The following FAM161A variants were observed in gnomAD, a reference collection of about 807,000 sequenced individuals.
The protein encoded by FAM161A is FAM161 centrosomal protein A, also known as protein FAM161A.
FAM161A carries 57 observed loss-of-function variants against 70.9 expected under a neutral mutation model. The observed-to-expected ratio is 0.80, with a 90% CI of 0.65 to 1.00. The LOEUF (loss-of-function observed/expected upper bound fraction) is 1.00. Among genes scored for constraint, FAM161A ranks in the 50% least tolerant of loss-of-function variants. The probability of loss-of-function intolerance (pLI) is 0.00; values close to 1 mark genes in which losing one functional copy is unlikely to be tolerated. For missense variants in FAM161A, 880 were observed against 836.0 expected, an observed-to-expected ratio of 1.05 and a Z score of -0.65; for synonymous variants, 299 against 295.7, an observed-to-expected ratio of 1.01 and a Z score of -0.12.
chr2:61,852,015 C>T (rs1429736050), intron 1 of FAM161A, among the ~76,000 whole-genome samples: 1 of 152,138 alleles, frequency 6.6e-6, no homozygotes, highest in Non-Finnish European at 1.5e-5. Flanking sequence ...GTGAAGAAAG[C>T]AGAGCCTATT....
Position 61,853,902 on chromosome 2 carries a change from T to C in FAM161A, c.140A>G (p.Glu47Gly). The C allele has an allele frequency of 6.2e-7, 1 of 1,613,968 alleles. No homozygotes were observed. Among genetic ancestry groups the C allele is most frequent in the Non-Finnish European group, 8.5e-7 (1 of 1,179,844 alleles). The change falls in exon 1 of 7, where the codon GAG (glutamate) becomes GGG (glycine). Residue 47 changes from glutamate to glycine, a missense_variant. Glu to Gly is a moderately conservative substitution (Grantham distance 98). Coordinates refer to ENST00000404929, the MANE Select transcript of FAM161A (RefSeq NM_001201543.2). ...AGCCACTTTCTCCTCCTCTTCGTCC[T>C]CCAAGATCGCCTCCGCTGCCGCCAG... ...KALAAAEAIL[E>G]DEEEEKVAQP...
the FAM161A span, among the ~76,000 whole-genome samples, chr2:61,817,432 C>A: frequency 3.9e-5 from 6 of 152,232 alleles, no homozygotes; most frequent in Non-Finnish European, 8.8e-5. Flanking sequence ...CTAACCAATT[C>A]TTACTTTGGA....
Position 61,839,773 on chromosome 2 carries a change from A to G in FAM161A, c.1231T>C (p.Cys411Arg). The G allele has an allele frequency of 6.2e-7, 1 of 1,614,146 alleles. No individual in the cohort carries two copies. The highest frequency in any genetic ancestry group is 8.5e-7 in the Non-Finnish European group (1 of 1,180,028). ...RSACGCRNPR[C>R]PEQAVKLKCK... The stretch of plus-strand genomic sequence containing the variant: ...TTCAACTTTACAGCCTGTTCAGGAC[A>G]CCTGGGGTTCCTGCATCCACAAGCT... The change falls in exon 3 of 7, where the codon TGT becomes CGT. Residue 411 changes from cysteine (C) to arginine (R), a missense_variant. Physicochemically the swap from Cys to Arg is radical, Grantham distance 180 (BLOSUM62 -3). Coordinates refer to ENST00000404929, the MANE Select transcript of FAM161A (RefSeq NM_001201543.2).
chr2:61,834,591 T>G (rs949043399), intron 5 of FAM161A, among the ~76,000 whole-genome samples: 1 of 151,970 alleles, frequency 6.6e-6, no homozygotes, highest in Non-Finnish European at 1.5e-5. Flanking sequence ...GCCTCCCAAG[T>G]AGTTGGGACT....
rs775901032 is a variant in FAM161A at position 61,842,331 on chromosome 2, C to T, written c.213G>A (p.Val71=). 16 of 1,575,510 alleles carry T rather than the reference C, an allele frequency of 1.0e-5. 1 individual carries two copies. In the African/African-American group the frequency reaches 1.5e-4, roughly 15 times the overall value. Residue 71 remains valine, a synonymous_variant, in exon 2 of 7, where the codon GTG becomes GTA. Transcript: ENST00000404929. The part of the protein sequence containing the change: ...SADLNTSFSG[V]DEHAPISYED... ...CATAGCTTATCGGTGCATGTTCATCCACCCCAGAAAAGCTGGTGTTCAAAT... is the reference window on the plus strand; with the variant it reads ...CATAGCTTATCGGTGCATGTTCATCTACCCCAGAAAAGCTGGTGTTCAAAT...
At chr2:61,846,229 C>G (rs1024475510) in intron 1 of FAM161A, among the ~76,000 whole-genome samples, 2 of 151,878 alleles carry the variant, frequency 1.3e-5, no homozygotes, top group African/African-American at 4.8e-5. Context: ...CTGTGCATAG[C>G]AGAGGGCAAG....
chr2:61,823,386 T>TATATATA (rs1558470704), downstream of FAM161A, among the ~76,000 whole-genome samples: 4 of 135,166 alleles, frequency 3.0e-5, no homozygotes, highest in Non-Finnish European at 4.8e-5. Context: ...TATATATATA[T>TATATATA]TGAGTCAGGG....
chr2:61,846,053 C>T (rs1400597229), intron 1 of FAM161A, among the ~76,000 whole-genome samples: 3 of 125,886 alleles, frequency 2.4e-5, no homozygotes, highest in Admixed American at 2.1e-4. Flanking sequence ...CGAGCCATTG[C>T]ACTATAGCTT....
the FAM161A span, among the ~76,000 whole-genome samples, chr2:61,805,561 A>C: frequency 6.6e-6 from 1 of 152,182 alleles, no homozygotes; most frequent in Non-Finnish European, 1.5e-5. Flanking sequence ...GCCATTGGGG[A>C]GGTCAGGTCT....
chr2:61,841,023 C>T (rs1673002566), intron 2 of FAM161A, among the ~76,000 whole-genome samples: 1 of 152,178 alleles, frequency 6.6e-6, no homozygotes, highest in Non-Finnish European at 1.5e-5. Flanking sequence ...AGAATCATCA[C>T]TTTTATTTGG....
At chr2:61,849,706 AC>A (rs1673429180) in intron 1 of FAM161A, among the ~76,000 whole-genome samples, 1 of 148,602 alleles carries the variant, frequency 6.7e-6, no homozygotes. Context: ...AATCACTTGA[AC>A]CCAGGAGGCA....
At chr2:61,848,962 TTA>T (rs367752780) in intron 1 of FAM161A, among the ~76,000 whole-genome samples, 29 of 706 alleles carry the variant, frequency 0.041, 13 homozygotes, top group Non-Finnish European at 0.053. Flanking sequence ...ATATATATAT[TTA>T]TATATATATA....
chr2:61,846,855 T>C, intron 1 of FAM161A: 1 of 444,274 alleles, frequency 2.3e-6, no homozygotes, highest in Non-Finnish European at 4.5e-6. Flanking sequence ...AGTAGCAGTG[T>C]CTGAATCCAG....
At chr2:61,805,688 C>A in the FAM161A span, among the ~76,000 whole-genome samples, 4 of 152,216 alleles carry the variant, frequency 2.6e-5, no homozygotes, top group East Asian at 7.7e-4. Context: ...GTGTGCAGAC[C>A]CCAGTTCAGT....
At chr2:61,815,582 G>A in the FAM161A span, among the ~76,000 whole-genome samples, 7 of 108,524 alleles carry the variant, frequency 6.5e-5, no homozygotes, top group South Asian at 3.2e-4. Context: ...ATGGAGTCTC[G>A]TTCTGTCACC....
intron 1 of FAM161A, among the ~76,000 whole-genome samples, chr2:61,844,703 A>C (rs1017866973): frequency 6.6e-6 from 1 of 152,196 alleles, no homozygotes; most frequent in Non-Finnish European, 1.5e-5. Flanking sequence ...TGTCTCACTT[A>C]AAACAAACAA....
At chr2:61,804,762 A>AAG in the FAM161A span, among the ~76,000 whole-genome samples, 4 of 89,508 alleles carry the variant, frequency 4.5e-5, no homozygotes, top group South Asian at 7.1e-4. Context: ...AAGAAAGAAA[A>AAG]AGAAAGAGAA....
chr2:61,830,382 T>C (rs1672522007), intron 5 of FAM161A, among the ~76,000 whole-genome samples: 1 of 151,842 alleles, frequency 6.6e-6, no homozygotes, highest in African/African-American at 2.4e-5. Flanking sequence ...CACACAGATA[T>C]GAAGATGAGA....
At chr2:61,802,555 G>A in the FAM161A span, among the ~76,000 whole-genome samples, 1 of 152,068 alleles carries the variant, frequency 6.6e-6, no homozygotes, top group African/African-American at 2.4e-5. Flanking sequence ...TTCAGAAGAT[G>A]GTATTGTGTC....
Sources: allele counts gnomAD v4.1 joint callset (sites outside exome capture counted in the v4.1 genomes callset), GRCh38; gene constraint gnomAD v4.1.1; transcripts MANE v1.5; gene names NCBI Gene and HGNC (gene_info 2026-07-23, HGNC 2026-07-21).